STXBP6: variants seen among roughly 807,000 people sequenced by gnomAD.
STXBP6 encodes the protein syntaxin binding protein 6.
A neutral mutation model predicts 26.9 loss-of-function variants in STXBP6; 21 were observed. The ratio of observed to expected loss-of-function variants is 0.78; its 90% CI spans 0.55 to 1.12. The LOEUF (loss-of-function observed/expected upper bound fraction) is 1.12. STXBP6 is among the 50% of genes most tolerant of loss of function. The pLI is 0.00. For missense variants in STXBP6, 232 were observed against 257.9 expected, an observed-to-expected ratio of 0.90 and a Z score of 0.69; for synonymous variants, 97 against 92.6, an observed-to-expected ratio of 1.05 and a Z score of -0.27.
At chr14:24,933,067 C>A (rs1257222530) in intron 2 of STXBP6, among the ~76,000 whole-genome samples, 1 of 152,168 alleles carries the variant, frequency 6.6e-6, no homozygotes, top group Non-Finnish European at 1.5e-5. Context: ...CTGGGCTGGG[C>A]ATGGAGGCTC....
At chr14:25,045,580 T>C (rs1048610913) in intron 1 of STXBP6, among the ~76,000 whole-genome samples, 9 of 150,914 alleles carry the variant, frequency 6.0e-5, no homozygotes, top group African/African-American at 2.2e-4. Context: ...GCACATTAAA[T>C]GCGTTCATAC....
intron 2 of STXBP6, among the ~76,000 whole-genome samples, chr14:24,941,938 C>A (rs939620869): frequency 3.3e-5 from 5 of 152,242 alleles, no homozygotes; most frequent in African/African-American, 9.6e-5. Flanking sequence ...TGCCAACAGG[C>A]TGCCAGGTGT....
At chr14:24,834,277 A>G (rs1427710789) in intron 4 of STXBP6, among the ~76,000 whole-genome samples, 4 of 152,212 alleles carry the variant, frequency 2.6e-5, no homozygotes, top group Admixed American at 1.3e-4. Context: ...TATAGGTGTA[A>G]GCCATTGCAC....
At chr14:24,989,367 TAAA>T (rs1284608788) in intron 1 of STXBP6, among the ~76,000 whole-genome samples, 1 of 152,022 alleles carries the variant, frequency 6.6e-6, no homozygotes, top group African/African-American at 2.4e-5. Flanking sequence ...AGTTTAAAAA[TAAA>T]AAAGTACTGC....
intron 2 of STXBP6, among the ~76,000 whole-genome samples, chr14:24,907,971 C>G (rs1426895481): frequency 6.6e-6 from 1 of 152,066 alleles, no homozygotes; most frequent in Non-Finnish European, 1.5e-5. Context: ...AACCCCAAAT[C>G]TGTATCTCAC....
chr14:24,869,054 G>A (rs182004089), intron 2 of STXBP6, among the ~76,000 whole-genome samples: 36 of 152,296 alleles, frequency 2.4e-4, no homozygotes, highest in African/African-American at 8.7e-4. Context: ...CTACGTCTTT[G>A]CATTCTTCAG....
At chr14:25,006,815 C>T (rs760098921) in intron 1 of STXBP6, among the ~76,000 whole-genome samples, 20 of 151,960 alleles carry the variant, frequency 1.3e-4, no homozygotes, top group Non-Finnish European at 7.4e-5. Context: ...CCATCACCAA[C>T]TCTAGAAGCT....
chr14:24,958,294 A>G (rs2140103748), intron 2 of STXBP6, among the ~76,000 whole-genome samples: 1 of 152,314 alleles, frequency 6.6e-6, no homozygotes, highest in East Asian at 1.9e-4. Context: ...ATGTACCATC[A>G]TCCAATTCCT....
intron 1 of STXBP6, among the ~76,000 whole-genome samples, chr14:24,996,190 T>C (rs189726129): frequency 6.6e-6 from 1 of 152,344 alleles, no homozygotes; most frequent in Admixed American, 6.5e-5. Flanking sequence ...AATGTATACC[T>C]TCCATACATT....
intron 1 of STXBP6, among the ~76,000 whole-genome samples, chr14:25,029,335 T>C (rs917770727): frequency 3.9e-5 from 6 of 152,170 alleles, no homozygotes; most frequent in African/African-American, 1.2e-4. Flanking sequence ...GCAGCAGTCA[T>C]CCACGTTGAG....
intron 2 of STXBP6, among the ~76,000 whole-genome samples, chr14:24,919,402 T>C (rs2071893637): frequency 6.6e-6 from 1 of 151,880 alleles, no homozygotes; most frequent in Non-Finnish European, 1.5e-5. Context: ...GAAAAACATC[T>C]TTGGATGTTT....
chr14:25,020,447 T>G (rs1384377185), intron 1 of STXBP6, among the ~76,000 whole-genome samples: 1 of 152,098 alleles, frequency 6.6e-6, no homozygotes, highest in Non-Finnish European at 1.5e-5. Context: ...TCTTAACAAA[T>G]AACCAATCCA....
intron 4 of STXBP6, among the ~76,000 whole-genome samples, chr14:24,853,749 G>T (rs543506134): frequency 6.6e-6 from 1 of 151,888 alleles, no homozygotes; most frequent in Non-Finnish European, 1.5e-5. Flanking sequence ...ACCAATATTC[G>T]GCTTGCCTAA....
intron 4 of STXBP6, among the ~76,000 whole-genome samples, chr14:24,840,488 A>G (rs2068753400): frequency 6.6e-6 from 1 of 152,180 alleles, no homozygotes; most frequent in Non-Finnish European, 1.5e-5. Flanking sequence ...TTGTCCCAGC[A>G]CTGTGCCAAT....
chr14:24,854,355 G>A (rs2069254592), intron 4 of STXBP6, among the ~76,000 whole-genome samples: 1 of 152,028 alleles, frequency 6.6e-6, no homozygotes, highest in Admixed American at 6.6e-5. Flanking sequence ...TGGCCACACT[G>A]CCCAGGACGG....
At chr14:25,015,411 A>G (rs1288772514) in intron 1 of STXBP6, among the ~76,000 whole-genome samples, 1 of 151,912 alleles carries the variant, frequency 6.6e-6, no homozygotes, top group Non-Finnish European at 1.5e-5. Flanking sequence ...CACCCCTTCC[A>G]TTAGCCCCAG....
intron 1 of STXBP6, among the ~76,000 whole-genome samples, chr14:24,992,998 T>C (rs2140295182): frequency 6.6e-6 from 1 of 152,318 alleles, no homozygotes; most frequent in Non-Finnish European, 1.5e-5. Context: ...CAGTTGCTGC[T>C]TGGAACTTTT....
chr14:24,936,533 A>G (rs1210681599), intron 2 of STXBP6, among the ~76,000 whole-genome samples: 1 of 152,234 alleles, frequency 6.6e-6, no homozygotes, highest in Non-Finnish European at 1.5e-5. Context: ...ATTAGATTTA[A>G]TCATATCCAA....
chr14:24,926,009 A>G (rs2072151541), intron 2 of STXBP6, among the ~76,000 whole-genome samples: 1 of 152,218 alleles, frequency 6.6e-6, no homozygotes, highest in Non-Finnish European at 1.5e-5. Context: ...GATGTAAAAC[A>G]AAGACAGGGC....
Sources: gnomAD v4.1 joint callset for allele counts (sites outside exome capture counted in the v4.1 genomes callset) on GRCh38, gnomAD v4.1.1 for gene constraint, MANE v1.5 for transcripts, NCBI Gene and HGNC (gene_info 2026-07-23, HGNC 2026-07-21) for gene names.